LGALS8: variants seen among roughly 807,000 people sequenced by gnomAD.
LGALS8 encodes the protein galectin-8.
Under a neutral mutation model 35.9 loss-of-function variants are expected in LGALS8, and 30 were observed. That is an observed-to-expected ratio of 0.83 (90% CI 0.62 to 1.13). The LOEUF (loss-of-function observed/expected upper bound fraction) is 1.13, where lower values mean the gene tolerates loss of function less well. Among genes scored for constraint, LGALS8 ranks in the 50% most tolerant of loss-of-function variants. The pLI, the probability that LGALS8 is intolerant of heterozygous loss-of-function variation, is 0.00. For missense variants in LGALS8, 366 were observed against 388.7 expected (o/e 0.94, Z 0.49); for synonymous variants, 138 against 136.1 (o/e 1.01, Z -0.10).
At chr1:236,542,995 C>T (rs146524530) in intron 7 of LGALS8, 319 of 1,614,048 alleles carry the variant, frequency 2.0e-4, no homozygotes, top group Non-Finnish European at 2.4e-4. Context: ...CTGTCAATCA[C>T]ACTTTGACTT....
chr1:236,544,979 T>C, intron 9 of LGALS8, 64 bp downstream of exon 9: 2 of 1,311,492 alleles, frequency 1.5e-6, no homozygotes, highest in Non-Finnish European at 2.1e-6. Context: ...GTGGGATAAG[T>C]GGTCCATTTA....
Position 236,544,733 on chromosome 1 carries a change from T to TTTC in LGALS8, c.639-17_639-16insTTC. Reference sequence around the variant, plus strand: ...CTTGGTTAATTAAGGTTTTTTTTTTTCTTTCTTTCTCAAAAGCTTTAATGT... The same window carrying TTTC: ...CTTGGTTAATTAAGGTTTTTTTTTTTTTCCTTTCTTTCTCAAAAGCTTTAATGT... On this transcript the variant is annotated splice_polypyrimidine_tract_variant and intron_variant, in intron 8 of 9. Transcript: ENST00000366584. 1.3e-6 allele frequency: 2 copies of TTTC among 1,518,044 alleles called. No homozygotes were observed. Among genetic ancestry groups the TTTC allele is most frequent in the Non-Finnish European group, 1.8e-6 (2 of 1,121,938 alleles). 94.0% of individuals were successfully genotyped at this position (1,518,044 alleles called of 1,614,324 possible). A position where few individuals can be genotyped will look rare whatever the true frequency, so the allele number is the denominator to read the frequency against.
At chr1:236,527,731 A>T in intron 2 of LGALS8, among the ~76,000 whole-genome samples, 1 of 146,380 alleles carries the variant, frequency 6.8e-6, no homozygotes, top group Middle Eastern at 3.6e-3. Context: ...TTATTCAATT[A>T]ATTTTTTTTT....
chr1:236,530,521 T>C (rs1397867635), intron 2 of LGALS8, among the ~76,000 whole-genome samples: 1 of 152,336 alleles, frequency 6.6e-6, no homozygotes, highest in Middle Eastern at 3.4e-3. Flanking sequence ...TCATAGATTT[T>C]TTTTTCCATA....
upstream of LGALS8, among the ~76,000 whole-genome samples, chr1:236,521,569 C>T (rs1279930840): frequency 2.0e-5 from 3 of 152,154 alleles, no homozygotes; most frequent in Non-Finnish European, 4.4e-5. Context: ...TGGCTCACAC[C>T]TGCAATCCCA....
At chr1:236,524,581 G>A in intron 1 of LGALS8, 1 of 369,690 alleles carries the variant, frequency 2.7e-6, no homozygotes, top group Non-Finnish European at 5.5e-6. Flanking sequence ...CAAGTCATGT[G>A]ACTTCCTTTG....
At chr1:236,541,514 CA>C in intron 5 of LGALS8, 139 bp from the exon 6 acceptor site, 2 of 538,140 alleles carry the variant, frequency 3.7e-6, no homozygotes, top group Non-Finnish European at 6.5e-6. Context: ...GAAAGGACCA[CA>C]GTGTCAAGTG....
At chr1:236,518,257 T>C (rs1306018528), upstream of LGALS8, 2 of 152,170 alleles carry the variant, frequency 1.3e-5, no homozygotes, top group Non-Finnish European at 2.9e-5. Context: ...AGACTGGATT[T>C]GGGACATGAT....
intron 2 of LGALS8, 73 bp from the exon 3 acceptor site, chr1:236,537,424 G>A: frequency 1.2e-6 from 1 of 865,708 alleles, no homozygotes; most frequent in Non-Finnish European, 2.0e-6. Context: ...TATCAATAAT[G>A]AGTGTGGGTT....
In LGALS8 at chr1:236,552,174, ACT is replaced by A; in HGVS notation, c.*4014_*4015del. 1 of 1,048,306 alleles carries A rather than the reference ACT, an allele frequency of 9.5e-7. No individual in the cohort carries two copies. Among genetic ancestry groups the A allele is most frequent in the African/African-American group, 1.6e-5 (1 of 63,502 alleles). 64.9% of individuals were successfully genotyped at this position (1,048,306 alleles called of 1,614,324 possible). A position where few individuals can be genotyped will look rare whatever the true frequency, so the allele number is the denominator to read the frequency against. On this transcript the variant is annotated 3_prime_UTR_variant, in exon 10 of 10. Transcript: ENST00000366584. ...CTGTATTTATTATCTTAAGAGCTGT[ACT>A]GACTTGAGACAAGCTCTAACTTTTT...
chr1:236,547,241 G>T (rs932606272), intron 9 of LGALS8, among the ~76,000 whole-genome samples: 1 of 152,222 alleles, frequency 6.6e-6, no homozygotes, highest in Non-Finnish European at 1.5e-5. Context: ...GGCACCAGAA[G>T]TATGAAGTGT....
In LGALS8 at chr1:236,548,202, G is replaced by C; in HGVS notation, c.*41G>C. On this transcript the variant is annotated 3_prime_UTR_variant, in exon 10 of 10. Transcript: ENST00000366584. ...GCTACAAAAACCAAAATACAGAATG[G>C]CTTCTGTGATACTGGCCTTGCTGAA... 6.4e-7 allele frequency: 1 copy of C among 1,569,598 alleles called. No homozygotes were observed. Among genetic ancestry groups the C allele is most frequent in the Non-Finnish European group, 8.7e-7 (1 of 1,149,500 alleles).
chr1:236,539,208 C>A, intron 4 of LGALS8, 119 bp downstream of exon 4: 3 of 836,706 alleles, frequency 3.6e-6, no homozygotes, highest in Non-Finnish European at 1.9e-6. Context: ...GTTTGTTTGG[C>A]TTTGTAGTTT....
chr1:236,544,619 G>A (rs967115123), intron 8 of LGALS8, 131 bp from the exon 9 acceptor site: 2 of 570,250 alleles, frequency 3.5e-6, no homozygotes, highest in African/African-American at 1.9e-5. Context: ...GCATTCCCAT[G>A]TCCATGTGGA....
intron 2 of LGALS8, among the ~76,000 whole-genome samples, chr1:236,534,085 G>A (rs1661316534): frequency 6.6e-6 from 1 of 152,138 alleles, no homozygotes; most frequent in Admixed American, 6.6e-5. Context: ...TCTTGTCACT[G>A]GTTCTTACTT....
At chr1:236,541,840 G>A (rs1281626481) in intron 6 of LGALS8, 130 bp downstream of exon 6, 2 of 564,108 alleles carry the variant, frequency 3.5e-6, no homozygotes, top group Non-Finnish European at 6.3e-6. Flanking sequence ...CTTGAAAATT[G>A]AGATACATAC....
intron 2 of LGALS8, among the ~76,000 whole-genome samples, chr1:236,536,938 A>G (rs1405902834): frequency 6.6e-6 from 1 of 151,362 alleles, no homozygotes; most frequent in Non-Finnish European, 1.5e-5. Flanking sequence ...TACTATGAAT[A>G]GTATTTACCT....
At position 236,550,696 on chromosome 1, in the gene LGALS8, T is replaced by C. The variant is rs1378295006; in HGVS notation, c.*2535T>C. On this transcript the variant is annotated 3_prime_UTR_variant, in exon 10 of 10. Transcript: ENST00000366584. Reference sequence around the variant, plus strand: ...AAAAATACCGTGTATCATTTACTCTTTCTGCAGCTCTATACGATAGGCAGG... The same window carrying C: ...AAAAATACCGTGTATCATTTACTCTCTCTGCAGCTCTATACGATAGGCAGG... 2.1e-6 allele frequency: 1 copy of C among 472,262 alleles called. No homozygotes were observed. 29.3% of individuals were successfully genotyped at this position (472,262 alleles called of 1,614,324 possible). A position where few individuals can be genotyped will look rare whatever the true frequency, so the allele number is the denominator to read the frequency against.
In LGALS8 at chr1:236,537,595, C is replaced by T. The variant is rs746858503; in HGVS notation, c.134+10C>T. ...CTAGTGACGCAGACAGGTAAAATCA[C>T]TGTGCTAAAGGAAGGAGCATGAATA... On this transcript the variant is annotated intron_variant, in intron 3 of 9. Coordinates refer to ENST00000366584, the MANE Select transcript of LGALS8 (RefSeq NM_201544.4). 7 of 1,568,024 alleles carry T rather than the reference C, an allele frequency of 4.5e-6. No individual in the cohort carries two copies. Among genetic ancestry groups the T allele is most frequent in the Non-Finnish European group, 6.2e-6 (7 of 1,137,404 alleles).
Sources: gnomAD v4.1 joint callset for allele counts (sites outside exome capture counted in the v4.1 genomes callset) on GRCh38, gnomAD v4.1.1 for gene constraint, MANE v1.5 for transcripts, NCBI Gene and HGNC (gene_info 2026-07-23, HGNC 2026-07-21) for gene names.